Variants in TOX observed in about 807,000 individuals in gnomAD.
TOX encodes thymocyte selection-associated high mobility group box protein TOX.
A neutral mutation model predicts 53.7 loss-of-function variants in TOX; 11 were observed. That is an observed-to-expected ratio of 0.20 (90% CI 0.13 to 0.34). The LOEUF (loss-of-function observed/expected upper bound fraction) is 0.34, where lower values mean the gene tolerates loss of function less well. Ranked by LOEUF, TOX falls within the 10% of genes least tolerant of loss-of-function variation. The pLI, the probability that TOX is intolerant of heterozygous loss-of-function variation, is 1.00. For synonymous variants in TOX, 225 were observed against 245.3 expected, an observed-to-expected ratio of 0.92 and a Z score of 0.77; for missense variants, 570 against 664.6, an observed-to-expected ratio of 0.86 and a Z score of 1.56.
intron 1 of TOX, among the ~76,000 whole-genome samples, chr8:59,023,363 A>G (rs1814173007): frequency 6.6e-6 from 1 of 152,238 alleles, no homozygotes; most frequent in African/African-American, 2.4e-5. Context: ...CTATGACTCT[A>G]ATTTTCAATA....
At chr8:59,034,050 C>A (rs751873272) in intron 1 of TOX, among the ~76,000 whole-genome samples, 1 of 152,184 alleles carries the variant, frequency 6.6e-6, no homozygotes, top group Non-Finnish European at 1.5e-5. Flanking sequence ...CATAAAGGGA[C>A]CTTCCAGGTA....
At chr8:58,898,410 T>G (rs1025024727) in intron 3 of TOX, among the ~76,000 whole-genome samples, 12 of 152,248 alleles carry the variant, frequency 7.9e-5, no homozygotes, top group African/African-American at 2.9e-4. Context: ...TAATTAACTT[T>G]AGTAACGTAA....
chr8:59,011,890 G>A (rs1813912006), intron 1 of TOX, among the ~76,000 whole-genome samples: 1 of 152,150 alleles, frequency 6.6e-6, no homozygotes, highest in Non-Finnish European at 1.5e-5. Flanking sequence ...CAACCCCAAT[G>A]CCACATCATG....
At position 59,119,010 on chromosome 8, in the gene TOX, CCTT is replaced by C. The variant is rs1334614023; in HGVS notation, c.-26_-24del. On this transcript the variant is annotated 5_prime_UTR_variant, in exon 1 of 9. Coordinates refer to ENST00000361421, the MANE Select transcript of TOX (RefSeq NM_014729.3). ...CATTTCACTCTCACATCAAGCAACT[CCTT>C]TTCTTTTTCCTTTTTTAAAAAAAAG... 1.6e-5 allele frequency: 25 copies of C among 1,532,214 alleles called. No homozygotes were observed. The highest frequency in any genetic ancestry group is 2.2e-5 in the Non-Finnish European group (24 of 1,112,044). The allele number at this position is 1,532,214 out of a possible 1,614,324, so 94.9% of individuals were successfully genotyped here.
intron 3 of TOX, among the ~76,000 whole-genome samples, chr8:58,904,895 T>C (rs12114218): frequency 0.54 from 82,759 of 151,994 alleles, 22,938 homozygotes; most frequent in African/African-American, 0.63. Context: ...TGCATCTTGT[T>C]CTCATTCTTG....
chr8:59,040,792 G>A (rs1803568120), intron 1 of TOX, among the ~76,000 whole-genome samples: 1 of 152,194 alleles, frequency 6.6e-6, no homozygotes, highest in African/African-American at 2.4e-5. Flanking sequence ...TGCCTTAGGA[G>A]CTGGTGCTGC....
At chr8:58,981,163 C>A (rs1230910346) in intron 1 of TOX, among the ~76,000 whole-genome samples, 3 of 152,156 alleles carry the variant, frequency 2.0e-5, no homozygotes, top group Admixed American at 2.0e-4. Context: ...TAGAACTGAA[C>A]TCTGTGGATG....
chr8:58,974,486 T>C (rs1217622792), intron 1 of TOX, among the ~76,000 whole-genome samples: 2 of 152,188 alleles, frequency 1.3e-5, no homozygotes, highest in African/African-American at 4.8e-5. Flanking sequence ...ATGGACTAGG[T>C]AATTTGTACA....
chr8:59,004,714 A>G (rs540356184), intron 1 of TOX, among the ~76,000 whole-genome samples: 9 of 152,220 alleles, frequency 5.9e-5, no homozygotes, highest in Non-Finnish European at 1.2e-4. Context: ...TCAATCACAC[A>G]GGGGCAGCTG....
At chr8:58,931,475 C>A (rs945048036) in intron 3 of TOX, among the ~76,000 whole-genome samples, 4 of 152,160 alleles carry the variant, frequency 2.6e-5, no homozygotes, top group African/African-American at 9.7e-5. Context: ...ATCAACTGTT[C>A]TCCAAGCATT....
intron 1 of TOX, among the ~76,000 whole-genome samples, chr8:58,976,023 G>C (rs765658799): frequency 2.6e-5 from 4 of 152,040 alleles, no homozygotes; most frequent in Admixed American, 1.3e-4. Context: ...AGTGAGCCGG[G>C]ATTGCACCAC....
intron 1 of TOX, among the ~76,000 whole-genome samples, chr8:59,016,926 G>A (rs778271515): frequency 2.0e-5 from 3 of 152,136 alleles, no homozygotes; most frequent in Non-Finnish European, 2.9e-5. Flanking sequence ...AGAGCTTCTG[G>A]GTCAGCCTCC....
chr8:58,927,397 C>T (rs535229031), intron 3 of TOX, among the ~76,000 whole-genome samples: 148 of 152,238 alleles, frequency 9.7e-4, no homozygotes, highest in African/African-American at 3.4e-3. Context: ...TGTAAAAGCA[C>T]GGCTCCCAGC....
At chr8:58,897,866 G>T (rs1388859435) in intron 3 of TOX, among the ~76,000 whole-genome samples, 2 of 151,680 alleles carry the variant, frequency 1.3e-5, no homozygotes, top group African/African-American at 4.8e-5. Context: ...CAAAAGATTG[G>T]CTAGTTCTTG....
chr8:59,100,454 T>C (rs563354220), intron 1 of TOX, among the ~76,000 whole-genome samples: 11 of 152,166 alleles, frequency 7.2e-5, no homozygotes, highest in Non-Finnish European at 1.5e-4. Flanking sequence ...GTGTAAATGG[T>C]GTATGGAAAA....
intron 3 of TOX, among the ~76,000 whole-genome samples, chr8:58,853,351 C>T (rs576498694): frequency 4.6e-5 from 7 of 152,238 alleles, no homozygotes; most frequent in African/African-American, 1.7e-4. Flanking sequence ...CTGTGATGTC[C>T]CTCATAAAGC....
At chr8:58,962,796 G>A (rs949965862) in intron 1 of TOX, among the ~76,000 whole-genome samples, 21 of 152,114 alleles carry the variant, frequency 1.4e-4, no homozygotes, top group African/African-American at 2.9e-4. Flanking sequence ...TTTAAGTGTC[G>A]TGAGGAGCTG....
intron 1 of TOX, among the ~76,000 whole-genome samples, chr8:59,109,544 G>T (rs1804975499): frequency 6.6e-6 from 1 of 152,126 alleles, no homozygotes; most frequent in Non-Finnish European, 1.5e-5. Flanking sequence ...ACACACAGCA[G>T]CTGTACCTGA....
At position 59,034,391 on chromosome 8, in the gene TOX, G is replaced by A. The variant is rs1249552533; in HGVS notation, c.103-74383C>T. Among the ~76,000 whole-genome samples, 3 of 152,222 alleles carry A rather than the reference G, an allele frequency of 2.0e-5. No individual in the cohort carries two copies. In the East Asian group the frequency reaches 5.8e-4, roughly 29 times the overall value. On this transcript the variant is annotated intron_variant, in intron 1 of 8. Coordinates refer to ENST00000361421, the MANE Select transcript of TOX (RefSeq NM_014729.3). ...TTAGGCATCTACTCCCAGCTCAACT[G>A]GAGAATATAGCCTTATCCAGATATC...
Sources: allele counts gnomAD v4.1 joint callset (sites outside exome capture counted in the v4.1 genomes callset), GRCh38; gene constraint gnomAD v4.1.1; transcripts MANE v1.5; gene names NCBI Gene and HGNC (gene_info 2026-07-23, HGNC 2026-07-21).